CEP170: variants seen among roughly 807,000 people sequenced by gnomAD.
CEP170 encodes the protein centrosomal protein 170.
A neutral mutation model predicts 151.9 loss-of-function variants in CEP170; 21 were observed. The ratio of observed to expected loss-of-function variants is 0.14; its 90% CI spans 0.10 to 0.20. CEP170 has a LOEUF of 0.20. Ranked by LOEUF, CEP170 falls within the 10% of genes least tolerant of loss-of-function variation. The pLI, the probability that CEP170 is intolerant of heterozygous loss-of-function variation, is 1.00. For missense variants in CEP170, 964 were observed against 1,892.9 expected (o/e 0.51, Z 9.11); for synonymous variants, 356 against 648.8 (o/e 0.55, Z 6.86).
intron 1 of CEP170, among the ~76,000 whole-genome samples, chr1:243,243,085 G>T (rs2065017192): frequency 6.6e-6 from 1 of 152,192 alleles, no homozygotes. Context: ...TAGAGAAAAG[G>T]CTAGGCGTGG....
intron 19 of CEP170, among the ~76,000 whole-genome samples, chr1:243,127,766 C>A (rs1311435471): frequency 6.6e-6 from 1 of 152,182 alleles, no homozygotes; most frequent in Non-Finnish European, 1.5e-5. Context: ...TAGAGGGCAG[C>A]CTCTTTCACT....
At chr1:243,210,839 G>A (rs548852789) in intron 4 of CEP170, among the ~76,000 whole-genome samples, 139 of 151,662 alleles carry the variant, frequency 9.2e-4, no homozygotes, top group Non-Finnish European at 1.6e-3. Flanking sequence ...TGGTCAGGCT[G>A]GTCTCGAACT....
chr1:243,235,537 T>G (rs183038522), intron 1 of CEP170, among the ~76,000 whole-genome samples: 260 of 152,340 alleles, frequency 1.7e-3, no homozygotes, highest in East Asian at 1.5e-3. Flanking sequence ...CATACACTCA[T>G]GATTATTCTG....
chr1:243,223,246 G>A (rs2062966530), intron 2 of CEP170, among the ~76,000 whole-genome samples: 1 of 152,070 alleles, frequency 6.6e-6, no homozygotes, highest in Non-Finnish European at 1.5e-5. Flanking sequence ...GAGGAAAAGA[G>A]TACATAGGAA....
intron 6 of CEP170, 128 bp from the exon 7 acceptor site, chr1:243,199,322 T>G: frequency 3.4e-6 from 3 of 880,564 alleles, no homozygotes; most frequent in Non-Finnish European, 5.1e-6. Context: ...ATAGCTAAAA[T>G]GTACTCTATA....
At chr1:243,148,882 C>T (rs1014381652) in intron 14 of CEP170, among the ~76,000 whole-genome samples, 1 of 151,796 alleles carries the variant, frequency 6.6e-6, no homozygotes, top group Non-Finnish European at 1.5e-5. Context: ...TTTGGCAAAC[C>T]CCATTCTTTA....
intron 13 of CEP170, among the ~76,000 whole-genome samples, chr1:243,162,436 T>C (rs1415870745): frequency 1.3e-5 from 2 of 152,236 alleles, no homozygotes; most frequent in Non-Finnish European, 2.9e-5. Flanking sequence ...TTTAATATAC[T>C]GCTAGTAAGT....
intron 8 of CEP170, among the ~76,000 whole-genome samples, chr1:243,187,104 TG>T (rs2059986676): frequency 6.6e-6 from 1 of 152,198 alleles, no homozygotes; most frequent in African/African-American, 2.4e-5. Flanking sequence ...GGTCTATCAA[TG>T]CAAAGGGTCA....
intron 1 of CEP170, among the ~76,000 whole-genome samples, chr1:243,247,825 T>C (rs191309572): frequency 5.3e-4 from 80 of 152,304 alleles, no homozygotes; most frequent in African/African-American, 1.9e-3. Flanking sequence ...TCTAACACTA[T>C]CAAGTTGGTA....
intron 15 of CEP170, among the ~76,000 whole-genome samples, chr1:243,141,885 G>A (rs530941918): frequency 1.3e-5 from 2 of 152,308 alleles, no homozygotes; most frequent in South Asian, 4.1e-4. Context: ...TTAAAGCAGT[G>A]AAACTGTAGG....
intron 7 of CEP170, among the ~76,000 whole-genome samples, chr1:243,195,521 C>T (rs2060588757): frequency 1.3e-5 from 2 of 151,820 alleles, no homozygotes; most frequent in South Asian, 2.1e-4. Context: ...CAGAGAGGAA[C>T]GTTAAAAATT....
intron 4 of CEP170, among the ~76,000 whole-genome samples, chr1:243,201,047 T>C (rs1272574068): frequency 6.6e-6 from 1 of 152,132 alleles, no homozygotes; most frequent in Non-Finnish European, 1.5e-5. Flanking sequence ...GCAAGTTTTC[T>C]AATTTTAAGT....
At chr1:243,181,255 G>C (rs1381245015) in intron 10 of CEP170, among the ~76,000 whole-genome samples, 2 of 152,146 alleles carry the variant, frequency 1.3e-5, no homozygotes, top group Non-Finnish European at 2.9e-5. Flanking sequence ...GGTTGGGAGA[G>C]ATAATTACTA....
At chr1:243,167,018 A>T (rs901169797) in intron 12 of CEP170, among the ~76,000 whole-genome samples, 54 of 152,102 alleles carry the variant, frequency 3.6e-4, no homozygotes, top group African/African-American at 1.3e-3. Context: ...AATGTGTTTT[A>T]TAGAAGGGAA....
chr1:243,139,215 C>A (rs1233323370), intron 16 of CEP170, among the ~76,000 whole-genome samples: 1 of 151,936 alleles, frequency 6.6e-6, no homozygotes, highest in African/African-American at 2.4e-5. Flanking sequence ...GATTCTCCTG[C>A]CTCAGCCTCC....
intron 17 of CEP170, among the ~76,000 whole-genome samples, chr1:243,133,963 C>T (rs936475506): frequency 2.0e-5 from 3 of 152,006 alleles, no homozygotes; most frequent in Non-Finnish European, 4.4e-5. Context: ...AATTATAAGC[C>T]TTAAAATTTT....
chr1:243,233,741 A>AAAAATATAT (rs1367723157), intron 1 of CEP170, among the ~76,000 whole-genome samples: 7 of 140,436 alleles, frequency 5.0e-5, no homozygotes, highest in African/African-American at 1.6e-4. Flanking sequence ...TCAAAAAAAA[A>AAAAATATAT]ATATATATAT....
chr1:243,176,606 T>G (rs1306566069), intron 10 of CEP170: 1 of 218,338 alleles, frequency 4.6e-6, no homozygotes, highest in Non-Finnish European at 9.6e-6. Context: ...CTGAATACAT[T>G]TGTATATTTG....
intron 1 of CEP170, among the ~76,000 whole-genome samples, chr1:243,236,341 C>T (rs1024472061): frequency 2.6e-5 from 4 of 152,120 alleles, no homozygotes; most frequent in South Asian, 2.1e-4. Flanking sequence ...CTGCCAGTCT[C>T]GGATTTGGCT....
Sources: gnomAD v4.1 joint callset for allele counts (sites outside exome capture counted in the v4.1 genomes callset) on GRCh38, gnomAD v4.1.1 for gene constraint, MANE v1.5 for transcripts, NCBI Gene and HGNC (gene_info 2026-07-23, HGNC 2026-07-21) for gene names.